The following IFT140 variants were observed in gnomAD, a reference collection of about 807,000 sequenced individuals.
The protein encoded by IFT140 is intraflagellar transport protein 140 homolog.
Under a neutral mutation model 164.6 loss-of-function variants are expected in IFT140, and 133 were observed. That is an observed-to-expected ratio of 0.81 (90% CI 0.70 to 0.93). The LOEUF is 0.93. Among genes scored for constraint, IFT140 ranks in the 40% least tolerant of loss-of-function variants. IFT140 has a pLI of 0.00. For synonymous variants in IFT140, 860 were observed against 817.3 expected, an observed-to-expected ratio of 1.05 and a Z score of -0.89; for missense variants, 2,045 against 1,972.3, an observed-to-expected ratio of 1.04 and a Z score of -0.70.
intron 2 of IFT140, 161 bp downstream of exon 2, chr16:1,610,503 C>T (rs2036282852): frequency 6.5e-6 from 1 of 153,852 alleles, no homozygotes; most frequent in African/African-American, 2.4e-5. Flanking sequence ...CCGCCCCAGC[C>T]TCGATGGGAC....
intron 19 of IFT140, among the ~76,000 whole-genome samples, chr16:1,528,399 A>ATGCACGCACGTG (rs1189145591): frequency 1.2e-4 from 18 of 149,192 alleles, no homozygotes; most frequent in East Asian, 1.2e-3. Context: ...ACACACACGG[A>ATGCACGCACGTG]TGCACACACA....
intron 19 of IFT140, chr16:1,542,148 G>A: frequency 6.9e-7 from 1 of 1,446,952 alleles, no homozygotes; most frequent in East Asian, 2.6e-5. Flanking sequence ...GGAGGGTCCT[G>A]AGGCCTTGGG....
intron 13 of IFT140, chr16:1,579,165 G>A (rs2034427445): frequency 1.3e-5 from 2 of 152,190 alleles, no homozygotes; most frequent in South Asian, 4.1e-4. Flanking sequence ...ACCCAGAAAA[G>A]GAAAATGTTA....
chr16:1,523,808 C>T lies in IFT140; in HGVS notation c.3270+20G>A, dbSNP rs745370424. 57 of 1,610,144 alleles carry T rather than the reference C, an allele frequency of 3.5e-5. No individual in the cohort carries two copies. Among genetic ancestry groups the T allele is most frequent in the Admixed American group, 8.3e-5 (5 of 59,882 alleles). On this transcript the variant is annotated intron_variant, in intron 25 of 30. Transcript: ENST00000426508. ...GCTTGCTGCCCCTCCCCCAGGTCCC[C>T]ACCGGTGGCCAGCCCTCACCTTGTG...
At chr16:1,576,603 A>C (rs1490493337) in intron 13 of IFT140, 1 of 151,972 alleles carries the variant, frequency 6.6e-6, no homozygotes, top group African/African-American at 2.4e-5. Context: ...AAAAAAAAAA[A>C]AACAAATTTT....
Position 1,540,113 on chromosome 16 carries a change from G to A in IFT140, c.2400-13317C>T, listed in dbSNP as rs1247840909. ...GAGCAGTGTGCCTCCAGGGATGCTG[G>A]GACGCCGAAAGCCTAGACTGAGACG... is the stretch of plus-strand genomic sequence containing the variant. On this transcript the variant is annotated intron_variant, in intron 19 of 30. Transcript: ENST00000426508. Among the ~76,000 whole-genome samples, 3 of 152,174 alleles carry A rather than the reference G, an allele frequency of 2.0e-5. No homozygotes were observed. The East Asian group carries it at 5.8e-4, about 29-fold the overall frequency.
Position 1,576,235 on chromosome 16 carries a change from G to A in IFT140, c.1524+4524C>T, listed in dbSNP as rs549930955. On this transcript the variant is annotated intron_variant, in intron 13 of 30. Transcript: ENST00000426508. ...TGGGAGGTGGAGGTTGCAGTGAGCC[G>A]AGATCATGCCACTGCACTCTAGACT... Among the ~76,000 whole-genome samples the A allele has an allele frequency of 2.0e-4, 30 of 146,406 alleles. No homozygotes were observed. The South Asian group carries it at 3.0e-3, about 15-fold the overall frequency.
intron 19 of IFT140, chr16:1,554,264 T>C (rs371145335): frequency 1.0e-5 from 5 of 483,090 alleles, no homozygotes; most frequent in Admixed American, 7.4e-5. Context: ...AGCATAGCTC[T>C]GGGCGCGATG....
Position 1,510,903 on chromosome 16 carries a change from GC to G in IFT140, c.*40del. 6.4e-7 allele frequency: 1 copy of G among 1,563,082 alleles called. No homozygotes were observed. Among genetic ancestry groups the G allele is most frequent in the Non-Finnish European group, 8.7e-7 (1 of 1,143,388 alleles). ...AGCTGACAAAAAAATTCCAGAAGAT[GC>G]CTTTCTGCAGCAGCACGCTGGTCCT... On this transcript the variant is annotated 3_prime_UTR_variant, in exon 31 of 31. Coordinates refer to ENST00000426508, the MANE Select transcript of IFT140 (RefSeq NM_014714.4).
At chr16:1,594,934 G>A (rs2035377067) in intron 4 of IFT140, among the ~76,000 whole-genome samples, 1 of 152,232 alleles carries the variant, frequency 6.6e-6, no homozygotes, top group African/African-American at 2.4e-5. Context: ...CCCAAATGCT[G>A]GATAACATGC....
chr16:1,568,869 C>A (rs905975980), intron 14 of IFT140, among the ~76,000 whole-genome samples: 2 of 152,252 alleles, frequency 1.3e-5, no homozygotes, highest in African/African-American at 4.8e-5. Flanking sequence ...ACTGCTTCAT[C>A]GCCCGCTGTG....
intron 19 of IFT140, among the ~76,000 whole-genome samples, chr16:1,538,850 T>C (rs1470069381): frequency 6.6e-6 from 1 of 152,164 alleles, no homozygotes. Context: ...GTGGAGTCCG[T>C]TGGAGCAGTC....
At chr16:1,514,101 C>G (rs1036601284) in intron 30 of IFT140, among the ~76,000 whole-genome samples, 4 of 151,446 alleles carry the variant, frequency 2.6e-5, no homozygotes, top group African/African-American at 4.9e-5. Context: ...AGGTGCGGTA[C>G]CTCACGCCTG....
At position 1,528,113 on chromosome 16, in the gene IFT140, C is replaced by A. The variant is rs143255644; in HGVS notation, c.2400-1317G>T. Among the ~76,000 whole-genome samples, 933 of 152,254 alleles carry A rather than the reference C, an allele frequency of 6.1e-3. 6 individuals are homozygous for A. The highest frequency in any genetic ancestry group is 9.5e-3 in the Non-Finnish European group (644 of 67,974). On this transcript the variant is annotated intron_variant, in intron 19 of 30. Transcript: ENST00000426508. ...TCCAAGGCCATCCAGGGAGATCCCGCCCCAAGGGCCTTGGGGCCGGGCTGG... is the reference window on the plus strand; with the variant it reads ...TCCAAGGCCATCCAGGGAGATCCCGACCCAAGGGCCTTGGGGCCGGGCTGG...
intron 14 of IFT140, among the ~76,000 whole-genome samples, chr16:1,570,293 G>A (rs945635747): frequency 5.9e-5 from 9 of 152,124 alleles, no homozygotes; most frequent in African/African-American, 1.7e-4. Context: ...GTGTACCAAC[G>A]GGTACATTGA....
intron 4 of IFT140, among the ~76,000 whole-genome samples, chr16:1,601,756 C>T (rs757662019): frequency 3.7e-4 from 56 of 152,202 alleles, no homozygotes; most frequent in Admixed American, 2.7e-3. Flanking sequence ...AGGCAGCAGC[C>T]AGGGGACTGA....
intron 13 of IFT140, 48 bp downstream of exon 13, chr16:1,580,711 G>A: frequency 1.6e-6 from 2 of 1,261,958 alleles, no homozygotes; most frequent in Non-Finnish European, 2.3e-6. Flanking sequence ...TTGAGAGGCA[G>A]GATTTCAAAC....
At chr16:1,541,422 C>T in intron 19 of IFT140, 1 of 985,410 alleles carries the variant, frequency 1.0e-6, no homozygotes, top group South Asian at 4.7e-5. Context: ...CCACCATGAG[C>T]CGCTTGGGGG....
At chr16:1,517,744 C>T (rs2040406139) in intron 30 of IFT140, among the ~76,000 whole-genome samples, 1 of 152,226 alleles carries the variant, frequency 6.6e-6, no homozygotes, top group Non-Finnish European at 1.5e-5. Context: ...TACATGCAGA[C>T]ATTTCTTCAC....
Sources: gnomAD v4.1 joint callset for allele counts (sites outside exome capture counted in the v4.1 genomes callset) on GRCh38, gnomAD v4.1.1 for gene constraint, MANE v1.5 for transcripts, NCBI Gene and HGNC (gene_info 2026-07-23, HGNC 2026-07-21) for gene names.